SPICE1: variants seen among roughly 807,000 people sequenced by gnomAD.
SPICE1 encodes the protein spindle and centriole associated protein 1.
A neutral mutation model predicts 102.7 loss-of-function variants in SPICE1; 75 were observed. The ratio of observed to expected loss-of-function variants is 0.73; its 90% confidence interval spans 0.61 to 0.88. The LOEUF is 0.88. SPICE1 is among the 40% of genes least tolerant of loss of function. The pLI, the probability that SPICE1 is intolerant of heterozygous loss-of-function variation, is 0.00. For missense variants in SPICE1, 979 were observed against 1,020.1 expected (o/e 0.96, Z 0.55); for synonymous variants, 308 against 350.3 (o/e 0.88, Z 1.35).
At chr3:113,465,511 T>C (rs1576628003) in intron 11 of SPICE1, 142 bp downstream of exon 11, 1 of 676,938 alleles carries the variant, frequency 1.5e-6, no homozygotes, top group Non-Finnish European at 2.5e-6. Flanking sequence ...TGTTCAATAA[T>C]ACCTGCCACT....
chr3:113,467,782 A>G (rs904483568), intron 10 of SPICE1, among the ~76,000 whole-genome samples: 1 of 152,240 alleles, frequency 6.6e-6, no homozygotes, highest in African/African-American at 2.4e-5. Flanking sequence ...AGTAGGAAGC[A>G]GAGAATAGCA....
chr3:113,460,007 C>T (rs970314053), intron 12 of SPICE1: 9 of 985,100 alleles, frequency 9.1e-6, no homozygotes, highest in African/African-American at 5.2e-5. Context: ...CCTAAGAAAA[C>T]GGTTTTAAAT....
intron 14 of SPICE1, among the ~76,000 whole-genome samples, chr3:113,451,906 T>TGAG (rs1559956643): frequency 6.6e-6 from 1 of 152,004 alleles, no homozygotes; most frequent in Non-Finnish European, 1.5e-5. Flanking sequence ...CACCCTAACC[T>TGAG]TCCTCACCAA....
At chr3:113,501,423 A>C (rs1937005132) in intron 3 of SPICE1, among the ~76,000 whole-genome samples, 2 of 152,210 alleles carry the variant, frequency 1.3e-5, no homozygotes, top group Non-Finnish European at 1.5e-5. Flanking sequence ...ATTTGACTTC[A>C]TCAAAATTAA....
intron 14 of SPICE1, among the ~76,000 whole-genome samples, chr3:113,451,545 T>C (rs1449823828): frequency 1.3e-5 from 2 of 152,176 alleles, no homozygotes; most frequent in Admixed American, 6.5e-5. Flanking sequence ...AAGAGGGTAG[T>C]GAAGACAGAA....
At chr3:113,475,905 A>T (rs1936333410) in intron 7 of SPICE1, among the ~76,000 whole-genome samples, 1 of 152,190 alleles carries the variant, frequency 6.6e-6, no homozygotes, top group Non-Finnish European at 1.5e-5. Flanking sequence ...CACTACTCCT[A>T]TTCAACATAG....
At chr3:113,488,324 C>T (rs548319153) in intron 7 of SPICE1, among the ~76,000 whole-genome samples, 34 of 152,204 alleles carry the variant, frequency 2.2e-4, no homozygotes, top group Admixed American at 4.6e-4. Context: ...TGTTAGTCAA[C>T]TGCAAAAATA....
intron 1 of SPICE1, among the ~76,000 whole-genome samples, chr3:113,513,896 A>C (rs992351257): frequency 6.6e-6 from 1 of 152,232 alleles, no homozygotes; most frequent in African/African-American, 2.4e-5. Context: ...GCCCTTGCAG[A>C]GTTAAGAGTT....
intron 11 of SPICE1, among the ~76,000 whole-genome samples, chr3:113,463,809 C>T (rs936542033): frequency 3.9e-5 from 6 of 152,166 alleles, no homozygotes; most frequent in Admixed American, 2.0e-4. Flanking sequence ...TGGCTCATGC[C>T]TGTAATCCCA....
rs769892173 is a variant in SPICE1, at chr3:113,465,651, A to T, written c.1287+2T>A. The T allele has an allele frequency of 3.7e-6, 6 of 1,612,180 alleles. No homozygotes were observed. Among genetic ancestry groups the T allele is most frequent in the Non-Finnish European group, 4.2e-6 (5 of 1,179,516 alleles). The stretch of plus-strand genomic sequence containing the variant: ...ATAAAAATTGGGATCTCATCTGAGT[A>T]CCTGTGTAGCAGCGTTTTCTTCTCT... On this transcript the variant is annotated splice_donor_variant, in intron 11 of 17. Transcript: ENST00000295872. LOFTEE classifies it high-confidence loss of function.
intron 7 of SPICE1, among the ~76,000 whole-genome samples, chr3:113,471,843 C>T (rs1936206745): frequency 6.6e-6 from 1 of 152,182 alleles, no homozygotes. Context: ...CTCCGGTCTA[C>T]AGCTCCCAGC....
intron 7 of SPICE1, among the ~76,000 whole-genome samples, chr3:113,478,476 T>C (rs1316382196): frequency 3.9e-5 from 6 of 152,154 alleles, no homozygotes; most frequent in Non-Finnish European, 8.8e-5. Context: ...GTATTAAATG[T>C]GACAAAGCAT....
At chr3:113,458,058 A>G (rs1414803724) in intron 12 of SPICE1, among the ~76,000 whole-genome samples, 1 of 152,250 alleles carries the variant, frequency 6.6e-6, no homozygotes, top group Non-Finnish European at 1.5e-5. Context: ...AAGAGTTACA[A>G]GAGCTGAGAC....
chr3:113,468,804 G>T lies in SPICE1; in HGVS notation c.847C>A (p.His283Asn). The part of the protein sequence containing the change: ...ETLDSSYVVG[H>N]VLNSRKQKQL... ...TTTTGCTTCCTTGAGTTCAGCACGT[G>T]TCCCACAACGTAGCTTGAGTCTAGA... Residue 283 changes from histidine to asparagine, a missense_variant, in exon 9 of 18, where the codon CAC becomes AAC. Coordinates refer to ENST00000295872, the MANE Select transcript of SPICE1 (RefSeq NM_144718.4). 2.5e-6 allele frequency: 4 copies of T among 1,614,094 alleles called. No individual in the cohort carries two copies. Among genetic ancestry groups the T allele is most frequent in the Non-Finnish European group, 3.4e-6 (4 of 1,180,008 alleles).
At chr3:113,511,975 AT>A (rs1937230613) in intron 1 of SPICE1, among the ~76,000 whole-genome samples, 1 of 152,108 alleles carries the variant, frequency 6.6e-6, no homozygotes, top group Non-Finnish European at 1.5e-5. Context: ...TATTTCCCAA[AT>A]TTTCTATAAT....
At chr3:113,496,044 AT>A (rs11308356) in intron 4 of SPICE1, among the ~76,000 whole-genome samples, 4,602 of 124,112 alleles carry the variant, frequency 0.037, 224 homozygotes, top group African/African-American at 0.12. Flanking sequence ...ACATTATGAG[AT>A]TTTTTTTTTA....
chr3:113,458,512 T>C (rs1935839313), intron 12 of SPICE1, among the ~76,000 whole-genome samples: 1 of 152,214 alleles, frequency 6.6e-6, no homozygotes, highest in Non-Finnish European at 1.5e-5. Flanking sequence ...GCTCACTCAG[T>C]GCTCAATGTT....
intron 7 of SPICE1, among the ~76,000 whole-genome samples, chr3:113,485,637 G>A (rs1174199201): frequency 2.6e-5 from 4 of 152,178 alleles, no homozygotes; most frequent in Admixed American, 6.5e-5. Context: ...GAGAAGGGGC[G>A]GCTGTGGGCA....
At chr3:113,450,165 A>T in intron 15 of SPICE1, 171 bp downstream of exon 15, 1 of 650,208 alleles carries the variant, frequency 1.5e-6, no homozygotes, top group South Asian at 2.0e-5. Flanking sequence ...CTGCCTTCTA[A>T]TCCCATTTCT....
Sources: allele counts gnomAD v4.1 joint callset (sites outside exome capture counted in the v4.1 genomes callset), GRCh38; gene constraint gnomAD v4.1.1; transcripts MANE v1.5; gene names NCBI Gene and HGNC (gene_info 2026-07-23, HGNC 2026-07-21).